The following NR2C1 variants were observed in gnomAD, a reference collection of about 807,000 sequenced individuals.
NR2C1 encodes the protein nuclear receptor subfamily 2 group C member 1.
A neutral mutation model predicts 74.8 loss-of-function variants in NR2C1; 33 were observed. The ratio of observed to expected loss-of-function variants is 0.44; its 90% CI spans 0.33 to 0.59. The LOEUF is 0.59. NR2C1 is among the 20% of genes least tolerant of loss of function. The pLI, the probability that NR2C1 is intolerant of heterozygous loss-of-function variation, is 0.02. For synonymous variants in NR2C1, 225 were observed against 240.6 expected (o/e 0.94, Z 0.60); for missense variants, 568 against 715.6 (o/e 0.79, Z 2.35).
chr12:95,072,437 G>A (rs1876807956), intron 1 of NR2C1, among the ~76,000 whole-genome samples: 2 of 127,906 alleles, frequency 1.6e-5, no homozygotes, highest in South Asian at 5.1e-4. Flanking sequence ...TGGCGACAGT[G>A]AGACTCCCTC....
rs758282593 is a variant in NR2C1, at chr12:95,040,604, T to C, written c.1132-7A>G. 38 of 1,594,330 alleles carry C rather than the reference T, an allele frequency of 2.4e-5. No homozygotes were observed. In the Admixed American group the frequency reaches 6.2e-4, roughly 26 times the overall value. ...TAGGAGAAGGCATGGTGAGCTAGTA[T>C]GAACAGGGATTTAGGTAAATTATCT... On this transcript the variant is annotated splice_polypyrimidine_tract_variant and splice_region_variant and intron_variant, in intron 9 of 13. Coordinates refer to ENST00000333003, the MANE Select transcript of NR2C1 (RefSeq NM_003297.4).
Position 95,062,597 on chromosome 12 carries a change from G to A in NR2C1, c.196C>T (p.Pro66Ser), listed in dbSNP as rs1874953113. Reference sequence around the variant, plus strand: ...GGAGTTGTAAGGAAAACTTTTCCCGGAGTGGAATCTTGCCTGGCCAGAATG... The same window carrying A: ...GGAGTTGTAAGGAAAACTTTTCCCGAAGTGGAATCTTGCCTGGCCAGAATG... Reference protein sequence around the residue: ...KVILARQDSTPGKVFLTTPDA... With the variant: ...KVILARQDSTSGKVFLTTPDA... Residue 66 changes from proline (P) to serine (S), a missense_variant, in exon 3 of 14, where the codon CCG (proline) becomes TCG (serine). Transcript: ENST00000333003. 2.5e-6 allele frequency: 4 copies of A among 1,614,004 alleles called. No homozygotes were observed. The highest frequency in any genetic ancestry group is 1.7e-5 in the Admixed American group (1 of 59,982).
chr12:95,027,733 C>CT (rs1323880472), intron 12 of NR2C1, among the ~76,000 whole-genome samples: 1 of 148,904 alleles, frequency 6.7e-6, no homozygotes, highest in Non-Finnish European at 1.5e-5. Flanking sequence ...GAGACTCAGT[C>CT]TAAAAAAAAA....
At chr12:95,053,842 C>A (rs562231438) in intron 7 of NR2C1, among the ~76,000 whole-genome samples, 1 of 152,026 alleles carries the variant, frequency 6.6e-6, no homozygotes, top group Non-Finnish European at 1.5e-5. Flanking sequence ...CGCCACCATG[C>A]CCAGCTAATT....
chr12:95,066,976 C>T (rs775273773), intron 2 of NR2C1: 1 of 254,950 alleles, frequency 3.9e-6, no homozygotes. Flanking sequence ...AGTATTGATG[C>T]TGAACTCCTA....
rs542017386 is a variant in NR2C1 at position 95,058,977 on chromosome 12, C to A, written c.365-488G>T. On this transcript the variant is annotated intron_variant, in intron 4 of 13. Coordinates refer to ENST00000333003, the MANE Select transcript of NR2C1 (RefSeq NM_003297.4). ...AGAAGTCATTATTTTTAAATGATTCCTTTGCCAAAATTTCTAGTTTTCACA... is the reference window on the plus strand; with the variant it reads ...AGAAGTCATTATTTTTAAATGATTCATTTGCCAAAATTTCTAGTTTTCACA... 5.9e-5 allele frequency among the ~76,000 whole-genome samples: 9 copies of A among 152,230 alleles called. No individual in the cohort carries two copies. The South Asian group carries it at 1.0e-3, about 18-fold the overall frequency.
intron 1 of NR2C1, among the ~76,000 whole-genome samples, chr12:95,071,066 T>C (rs1876523132): frequency 6.6e-6 from 1 of 152,158 alleles, no homozygotes; most frequent in Non-Finnish European, 1.5e-5. Flanking sequence ...CCGGGTGTGG[T>C]GGACGGCGCC....
In NR2C1 at chr12:95,057,881, A is replaced by G; in HGVS notation, c.545-3T>C. On this transcript the variant is annotated splice_region_variant and splice_polypyrimidine_tract_variant and intron_variant, in intron 5 of 13. Coordinates refer to ENST00000333003, the MANE Select transcript of NR2C1 (RefSeq NM_003297.4). ...GGGTTTTCTTTCACATTGGACAGCT[A>G]CAAAAATGTGTTAAACTATTATATC... The G allele has an allele frequency of 6.2e-7, 1 of 1,610,892 alleles. No homozygotes were observed.
Position 95,037,456 on chromosome 12 carries a change from C to T in NR2C1, c.1253+3020G>A, listed in dbSNP as rs544235949. ...GTAAAATACAAAGGTACTAACCATGCACTGTTTAGTAAAATTATTTAAGTT... is the reference window on the plus strand; with the variant it reads ...GTAAAATACAAAGGTACTAACCATGTACTGTTTAGTAAAATTATTTAAGTT... On this transcript the variant is annotated intron_variant, in intron 10 of 13. Coordinates refer to ENST00000333003, the MANE Select transcript of NR2C1 (RefSeq NM_003297.4). 1.2e-3 allele frequency among the ~76,000 whole-genome samples: 187 copies of T among 152,258 alleles called. 3 individuals are homozygous for T. Among genetic ancestry groups the T allele is most frequent in the South Asian group, 3.7e-3 (18 of 4,826 alleles).
At chr12:95,072,465 AAAAAAAAAAG>A (rs1876827328) in intron 1 of NR2C1, among the ~76,000 whole-genome samples, 1 of 150,922 alleles carries the variant, frequency 6.6e-6, no homozygotes, top group South Asian at 2.1e-4. Context: ...CAAAAAAAAA[AAAAAAAAAAG>A]AAAAAAAAAT....
chr12:95,057,023 G>A (rs1874011375), intron 7 of NR2C1, among the ~76,000 whole-genome samples: 1 of 149,726 alleles, frequency 6.7e-6, no homozygotes, highest in South Asian at 2.1e-4. Flanking sequence ...CGTATTTCAA[G>A]ATGAGGGAAG....
intron 10 of NR2C1, among the ~76,000 whole-genome samples, chr12:95,037,914 A>G (rs1871064386): frequency 6.6e-6 from 1 of 151,614 alleles, no homozygotes; most frequent in Non-Finnish European, 1.5e-5. Context: ...AAAAAAAAAA[A>G]AGGAACCTAA....
chr12:95,057,568 C>T lies in NR2C1; in HGVS notation c.768G>A (p.Leu256=). Residue 256 remains leucine (L), a synonymous_variant, in exon 7 of 14, where the codon CTG becomes CTA. Coordinates refer to ENST00000333003, the MANE Select transcript of NR2C1 (RefSeq NM_003297.4). ...PSGVKTESAV[L]MTSDKAESCQ... ...CTAAACACACCTTATCTGATGTCAT[C>T]AGCACAGCTGACTCAGTTTTTACTC... 6.2e-7 allele frequency: 1 copy of T among 1,612,494 alleles called. No homozygotes were observed. Among genetic ancestry groups the T allele is most frequent in the South Asian group, 1.1e-5 (1 of 90,854 alleles).
intron 2 of NR2C1, among the ~76,000 whole-genome samples, chr12:95,066,296 G>A (rs1875684890): frequency 6.6e-6 from 1 of 152,160 alleles, no homozygotes; most frequent in Non-Finnish European, 1.5e-5. Flanking sequence ...GAGCCCAGGA[G>A]CTCCAGACCA....
chr12:95,069,960 C>G (rs1876344307), intron 1 of NR2C1, among the ~76,000 whole-genome samples: 1 of 152,170 alleles, frequency 6.6e-6, no homozygotes, highest in African/African-American at 2.4e-5. Context: ...TAAAGATGGT[C>G]TCTACCCTGA....
intron 7 of NR2C1, among the ~76,000 whole-genome samples, chr12:95,055,006 C>T (rs1312028162): frequency 3.3e-5 from 5 of 152,182 alleles, no homozygotes; most frequent in Admixed American, 6.5e-5. Flanking sequence ...GCACATCTTG[C>T]ACCGCCCTTA....
In NR2C1 at chr12:95,052,029, CCAA is replaced by C. The variant is rs1414783991; in HGVS notation, c.784-89_784-87del. ...ATATCCAATTATAGATTATGATATGCCAACAAAAGAACAGTATGATAAATGAAA... is the reference window on the plus strand; with the variant it reads ...ATATCCAATTATAGATTATGATATGCCAAAAGAACAGTATGATAAATGAAA... On this transcript the variant is annotated intron_variant, in intron 7 of 13. Coordinates refer to ENST00000333003, the MANE Select transcript of NR2C1 (RefSeq NM_003297.4). 3 of 841,828 alleles carry C rather than the reference CCAA, an allele frequency of 3.6e-6. No homozygotes were observed. The African/African-American group carries it at 5.2e-5, about 15-fold the overall frequency. 52.1% of individuals were successfully genotyped at this position (841,828 alleles called of 1,614,324 possible).
chr12:95,038,387 A>G (rs913087841), intron 10 of NR2C1, among the ~76,000 whole-genome samples: 4 of 152,264 alleles, frequency 2.6e-5, no homozygotes, highest in Admixed American at 2.0e-4. Flanking sequence ...CCTATCATGA[A>G]AAATATCACC....
intron 2 of NR2C1, among the ~76,000 whole-genome samples, chr12:95,066,065 A>G (rs1267762601): frequency 6.6e-6 from 1 of 152,246 alleles, no homozygotes; most frequent in Non-Finnish European, 1.5e-5. Context: ...TAATGACTAA[A>G]AAGTTTATTT....
Sources: gnomAD v4.1 joint callset for allele counts (sites outside exome capture counted in the v4.1 genomes callset) on GRCh38, gnomAD v4.1.1 for gene constraint, MANE v1.5 for transcripts, NCBI Gene and HGNC (gene_info 2026-07-23, HGNC 2026-07-21) for gene names.